The following CA10 variants were observed in gnomAD, a reference collection of about 807,000 sequenced individuals.
CA10 encodes carbonic anhydrase-related protein 10.
In CA10, 14 loss-of-function variants were observed where a neutral mutation model predicts 44.2. The observed-to-expected ratio is 0.32, with a 90% CI of 0.21 to 0.50. The LOEUF (loss-of-function observed/expected upper bound fraction) is 0.50. Ranked by LOEUF, CA10 falls within the 20% of genes least tolerant of loss-of-function variation. The pLI, the probability that CA10 is intolerant of heterozygous loss-of-function variation, is 0.99. For missense variants in CA10, 350 were observed against 409.7 expected, an observed-to-expected ratio of 0.85 and a Z score of 1.26; for synonymous variants, 159 against 141.6, an observed-to-expected ratio of 1.12 and a Z score of -0.87.
At chr17:51,964,997 C>A (rs963937150) in intron 2 of CA10, among the ~76,000 whole-genome samples, 4 of 151,682 alleles carry the variant, frequency 2.6e-5, no homozygotes, top group African/African-American at 9.7e-5. Context: ...TTTCAATAGA[C>A]CACTACTTAG....
chr17:52,134,881 T>C (rs1395105431), intron 1 of CA10: 1 of 518,868 alleles, frequency 1.9e-6, no homozygotes, highest in Non-Finnish European at 3.8e-6. Flanking sequence ...TGACTCACCA[T>C]TCTCCCTCAC....
intron 4 of CA10, among the ~76,000 whole-genome samples, chr17:51,719,102 G>A (rs1460861608): frequency 1.3e-5 from 2 of 152,136 alleles, no homozygotes; most frequent in South Asian, 2.1e-4. Flanking sequence ...ACTACATTAC[G>A]GAGAAGAGGG....
intron 4 of CA10, among the ~76,000 whole-genome samples, chr17:51,743,887 C>T (rs1904562894): frequency 6.6e-6 from 1 of 152,206 alleles, no homozygotes; most frequent in African/African-American, 2.4e-5. Flanking sequence ...AATCTACCCA[C>T]ATAACAAACC....
At chr17:51,781,617 T>C (rs1460352411) in intron 3 of CA10, among the ~76,000 whole-genome samples, 1 of 152,206 alleles carries the variant, frequency 6.6e-6, no homozygotes, top group Non-Finnish European at 1.5e-5. Flanking sequence ...ACCAATTCAT[T>C]TGTCATCTAC....
chr17:51,879,130 C>T (rs1385009838), intron 3 of CA10, among the ~76,000 whole-genome samples: 1 of 151,628 alleles, frequency 6.6e-6, no homozygotes, highest in Non-Finnish European at 1.5e-5. Flanking sequence ...CAAAATGGAA[C>T]TTAAACAACT....
At chr17:52,146,429 G>A (rs1008170616) in intron 1 of CA10, among the ~76,000 whole-genome samples, 8 of 152,134 alleles carry the variant, frequency 5.3e-5, no homozygotes, top group Admixed American at 2.6e-4. Flanking sequence ...GGTGGCTCAC[G>A]CCTGTAATCC....
At chr17:51,826,832 C>A (rs1233059962) in intron 3 of CA10, among the ~76,000 whole-genome samples, 1 of 152,206 alleles carries the variant, frequency 6.6e-6, no homozygotes, top group African/African-American at 2.4e-5. Context: ...GAGGTCACTG[C>A]TGCCCTCAAG....
At chr17:51,812,524 C>A (rs904912404) in intron 3 of CA10, among the ~76,000 whole-genome samples, 1 of 152,172 alleles carries the variant, frequency 6.6e-6, no homozygotes, top group African/African-American at 2.4e-5. Context: ...TACTAGCACC[C>A]CACTGGCTAC....
chr17:51,980,125 G>A lies in CA10; in HGVS notation c.137-48993C>T, dbSNP rs544580884. 1.2e-3 allele frequency among the ~76,000 whole-genome samples: 180 copies of A among 152,232 alleles called. 5 individuals are homozygous for A. The South Asian group carries it at 0.022, about 18-fold the overall frequency. ...CCTCATACTGCTTTCCACAATGGTTGAACTAATTTACACCCCCACCAACAG... is the reference window on the plus strand; with the variant it reads ...CCTCATACTGCTTTCCACAATGGTTAAACTAATTTACACCCCCACCAACAG... On this transcript the variant is annotated intron_variant, in intron 2 of 8. Coordinates refer to ENST00000451037, the MANE Select transcript of CA10 (RefSeq NM_020178.5).
At chr17:51,666,890 A>C (rs117688867) in intron 4 of CA10, among the ~76,000 whole-genome samples, 2 of 152,248 alleles carry the variant, frequency 1.3e-5, no homozygotes, top group South Asian at 2.1e-4. Flanking sequence ...TAATGAGCAC[A>C]AAACAACTTT....
intron 3 of CA10, among the ~76,000 whole-genome samples, chr17:51,759,488 AATAT>A (rs1329819174): frequency 8.1e-6 from 1 of 122,770 alleles, no homozygotes; most frequent in African/African-American, 2.5e-5. Flanking sequence ...ATCTATATTT[AATAT>A]ATTTATTTTT....
At chr17:51,725,509 C>T (rs1292485316) in intron 4 of CA10, among the ~76,000 whole-genome samples, 1 of 152,190 alleles carries the variant, frequency 6.6e-6, no homozygotes, top group Non-Finnish European at 1.5e-5. Flanking sequence ...TGTGGCAGGG[C>T]CAGCAGTGCA....
At chr17:51,799,688 A>G (rs560261039) in intron 3 of CA10, among the ~76,000 whole-genome samples, 1 of 152,240 alleles carries the variant, frequency 6.6e-6, no homozygotes, top group Admixed American at 6.5e-5. Context: ...TAAAGGCTCA[A>G]TAAAAGTTTG....
chr17:51,909,505 C>T (rs1981703753), intron 3 of CA10, among the ~76,000 whole-genome samples: 1 of 152,046 alleles, frequency 6.6e-6, no homozygotes, highest in Non-Finnish European at 1.5e-5. Context: ...TGGGAAGACA[C>T]TAAAGAAACA....
At chr17:51,891,896 T>G (rs1474048647) in intron 3 of CA10, among the ~76,000 whole-genome samples, 1 of 152,196 alleles carries the variant, frequency 6.6e-6, no homozygotes, top group Non-Finnish European at 1.5e-5. Flanking sequence ...GTCACCTACA[T>G]CTCACCGGTG....
chr17:51,881,145 C>A (rs1323871938), intron 3 of CA10, among the ~76,000 whole-genome samples: 1 of 146,922 alleles, frequency 6.8e-6, no homozygotes, highest in Admixed American at 7.1e-5. Context: ...GAGGCTGAGG[C>A]AGAAGAATGG....
At chr17:51,961,675 C>A (rs1463736794) in intron 2 of CA10, among the ~76,000 whole-genome samples, 1 of 152,162 alleles carries the variant, frequency 6.6e-6, no homozygotes, top group Non-Finnish European at 1.5e-5. Context: ...ATAGACAACT[C>A]TATTCCCCCA....
At chr17:51,728,044 C>A (rs1916588430) in intron 4 of CA10, among the ~76,000 whole-genome samples, 1 of 152,034 alleles carries the variant, frequency 6.6e-6, no homozygotes, top group African/African-American at 2.4e-5. Flanking sequence ...TGCCACCACA[C>A]CCAGCTAATT....
intron 3 of CA10, among the ~76,000 whole-genome samples, chr17:51,826,082 G>A (rs1027020569): frequency 6.6e-6 from 1 of 152,248 alleles, no homozygotes; most frequent in African/African-American, 2.4e-5. Context: ...AATGGGGCCT[G>A]CCCAGTAGAA....
Sources: gnomAD v4.1 joint callset for allele counts (sites outside exome capture counted in the v4.1 genomes callset) on GRCh38, gnomAD v4.1.1 for gene constraint, MANE v1.5 for transcripts, NCBI Gene and HGNC (gene_info 2026-07-23, HGNC 2026-07-21) for gene names.